AFG3L2: variants seen among roughly 807,000 people sequenced by gnomAD.
AFG3L2 encodes the protein AFG3 like matrix AAA peptidase subunit 2.
A neutral mutation model predicts 94.5 loss-of-function variants in AFG3L2; 54 were observed. The observed-to-expected ratio is 0.57, with a 90% CI of 0.46 to 0.72. The LOEUF (loss-of-function observed/expected upper bound fraction) is 0.72. AFG3L2 is among the 30% of genes least tolerant of loss of function. The pLI, the probability that AFG3L2 is intolerant of heterozygous loss-of-function variation, is 0.00. For missense variants in AFG3L2, 754 were observed against 994.9 expected (o/e 0.76, Z 3.26); for synonymous variants, 377 against 365.5 (o/e 1.03, Z -0.36).
chr18:12,355,356 C>T (rs1173091714), intron 9 of AFG3L2, among the ~76,000 whole-genome samples: 2 of 152,178 alleles, frequency 1.3e-5, no homozygotes, highest in South Asian at 2.1e-4. Flanking sequence ...CAACATCACT[C>T]CTCATCATGG....
At chr18:12,332,068 T>A (rs1423520060) in intron 16 of AFG3L2, among the ~76,000 whole-genome samples, 1 of 151,600 alleles carries the variant, frequency 6.6e-6, no homozygotes, top group African/African-American at 2.4e-5. Context: ...TTAGATCATA[T>A]ACCTAGTGTA....
At chr18:12,375,077 G>C (rs1452688959) in intron 1 of AFG3L2, among the ~76,000 whole-genome samples, 1 of 149,082 alleles carries the variant, frequency 6.7e-6, no homozygotes, top group Non-Finnish European at 1.5e-5. Flanking sequence ...AAAAAGAAAA[G>C]AAAAGAAAAG....
At position 12,360,163 on chromosome 18, in the gene AFG3L2, T is replaced by C. The variant is rs372692777; in HGVS notation, c.628-112A>G. ...TCCAGAAATACTGAAAATTTATAAA[T>C]TAAAGAATAAACAATAATAAAAGAC... On this transcript the variant is annotated intron_variant, in intron 6 of 16. Transcript: ENST00000269143. 29 of 1,016,374 alleles carry C rather than the reference T, an allele frequency of 2.9e-5. No homozygotes were observed. The South Asian group carries it at 4.1e-4, about 14-fold the overall frequency. 63.0% of individuals were successfully genotyped at this position (1,016,374 alleles called of 1,614,324 possible).
In AFG3L2 at chr18:12,371,630, A is replaced by G; in HGVS notation, c.176T>C (p.Ile59Thr). Residue 59 changes from isoleucine to threonine, a missense_variant, in exon 2 of 17, where the codon ATT becomes ACT. Ile to Thr is a moderately conservative substitution (Grantham distance 89). Transcript: ENST00000269143. ...AGAACAGAATCTTTGATAAGCAGCA[A>G]TTATATCTGTCAAAAGAGAATTTCT... ...ASRNSLLTDI[I>T]AAYQRFCSRP... 6.2e-7 allele frequency: 1 copy of G among 1,614,146 alleles called. No homozygotes were observed. Among genetic ancestry groups the G allele is most frequent in the East Asian group, 2.2e-5 (1 of 44,874 alleles).
At chr18:12,361,206 C>G (rs1282998247) in intron 6 of AFG3L2, among the ~76,000 whole-genome samples, 1 of 152,162 alleles carries the variant, frequency 6.6e-6, no homozygotes, top group African/African-American at 2.4e-5. Context: ...ACTGTCTCTA[C>G]TAAAACTACA....
chr18:12,353,084 TC>T lies in AFG3L2; in HGVS notation c.1238del (p.Gly413GlufsTer68). ...ILFIDEIDAV[G>X]RKRGRGNFGG... ...CAAAGTTGCCTCTTCCTCTCTTCCT[TC>T]CCACCGCATCGATTTCATCGATGAA... On this transcript the variant is annotated frameshift_variant, in exon 10 of 17. Transcript: ENST00000269143. LOFTEE classifies it high-confidence loss of function. The T allele has an allele frequency of 6.2e-7, 1 of 1,614,122 alleles. No individual in the cohort carries two copies. Among genetic ancestry groups the T allele is most frequent in the Non-Finnish European group, 8.5e-7 (1 of 1,180,024 alleles).
At chr18:12,350,093 C>T (rs1048169684) in intron 12 of AFG3L2, among the ~76,000 whole-genome samples, 4 of 152,070 alleles carry the variant, frequency 2.6e-5, no homozygotes, top group African/African-American at 9.7e-5. Flanking sequence ...CTCACTGCAA[C>T]CTCACCTCCT....
chr18:12,358,523 C>G, intron 8 of AFG3L2, 147 bp downstream of exon 8: 1 of 1,049,222 alleles, frequency 9.5e-7, no homozygotes, highest in Non-Finnish European at 1.4e-6. Flanking sequence ...CAAAACGATC[C>G]TCGAGTTGGG....
At position 12,363,815 on chromosome 18, in the gene AFG3L2, C is replaced by T. The variant is rs1401268158; in HGVS notation, c.594G>A (p.Val198=). 2.5e-6 allele frequency: 4 copies of T among 1,613,366 alleles called. No individual in the cohort carries two copies. Among genetic ancestry groups the T allele is most frequent in the Middle Eastern group, 1.8e-4 (1 of 5,666 alleles). ...LEVVNKRFVR[V]TFTPGKTPVD... is the part of the protein sequence containing the mutation. ...CAGGAGTTTTTCCTGGTGTAAAGGT[C>T]ACTCGAACAAAACGCTTGTTGACGA... The change falls in exon 6 of 17, where the codon GTG becomes GTA. Residue 198 remains valine (V), a synonymous_variant. Coordinates refer to ENST00000269143, the MANE Select transcript of AFG3L2 (RefSeq NM_006796.3).
intron 9 of AFG3L2, among the ~76,000 whole-genome samples, chr18:12,353,879 C>A (rs1034453214): frequency 6.6e-6 from 1 of 152,180 alleles, no homozygotes; most frequent in African/African-American, 2.4e-5. Flanking sequence ...TATTAACAAG[C>A]TGAGGCTACT....
At chr18:12,337,723 A>G (rs567838269) in intron 15 of AFG3L2, among the ~76,000 whole-genome samples, 188 bp from the exon 16 acceptor site, 1 of 152,342 alleles carries the variant, frequency 6.6e-6, no homozygotes, top group Admixed American at 6.5e-5. Flanking sequence ...CATAACACCT[A>G]CAACAAAGTT....
chr18:12,336,609 G>C (rs1020712198), intron 16 of AFG3L2, among the ~76,000 whole-genome samples: 1 of 152,200 alleles, frequency 6.6e-6, no homozygotes, highest in Non-Finnish European at 1.5e-5. Flanking sequence ...CCCCTGTCTT[G>C]AGAAACTGGC....
rs555326959 is a variant in AFG3L2, at chr18:12,352,874, G to C, written c.1318+131C>G. 238 of 1,300,602 alleles carry C rather than the reference G, an allele frequency of 1.8e-4. No individual in the cohort carries two copies. In the Middle Eastern group the frequency reaches 3.4e-3, roughly 19 times the overall value. The allele number at this position is 1,300,602 out of a possible 1,614,324, so 80.6% of individuals were successfully genotyped here. A position where few individuals can be genotyped will look rare whatever the true frequency, so the allele number is the denominator to read the frequency against. On this transcript the variant is annotated intron_variant, in intron 10 of 16. Coordinates refer to ENST00000269143, the MANE Select transcript of AFG3L2 (RefSeq NM_006796.3). ...GGAGACTGAGGCAGGAGGATCGCTTGAACCCAGGGGTCAGAGGATGCAGTG... is the reference window on the plus strand; with the variant it reads ...GGAGACTGAGGCAGGAGGATCGCTTCAACCCAGGGGTCAGAGGATGCAGTG...
At chr18:12,374,410 C>A (rs909464078) in intron 1 of AFG3L2, among the ~76,000 whole-genome samples, 7 of 152,178 alleles carry the variant, frequency 4.6e-5, no homozygotes, top group African/African-American at 1.7e-4. Flanking sequence ...CTCTTCCTCA[C>A]CGTGAAAGCA....
intron 16 of AFG3L2, among the ~76,000 whole-genome samples, chr18:12,330,065 T>G (rs1438330744): frequency 6.6e-6 from 1 of 152,232 alleles, no homozygotes; most frequent in East Asian, 1.9e-4. Context: ...CCGGGCGCGG[T>G]AGCTCGCGCC....
At chr18:12,374,430 T>C (rs1004606745) in intron 1 of AFG3L2, among the ~76,000 whole-genome samples, 1 of 152,152 alleles carries the variant, frequency 6.6e-6, no homozygotes, top group African/African-American at 2.4e-5. Flanking sequence ...AGTACTTCTG[T>C]CTCTGATCTT....
chr18:12,335,925 C>A (rs1371970293), intron 16 of AFG3L2, among the ~76,000 whole-genome samples: 4 of 152,230 alleles, frequency 2.6e-5, no homozygotes, highest in Non-Finnish European at 2.9e-5. Context: ...TTATAGTCGG[C>A]TTCTTGAAGA....
intron 14 of AFG3L2, 107 bp from the exon 15 acceptor site, chr18:12,340,508 C>G (rs577165357): frequency 2.2e-6 from 2 of 893,400 alleles, no homozygotes; most frequent in Admixed American, 3.5e-5. Flanking sequence ...GCACAACAGC[C>G]GCACAGTTCA....
chr18:12,374,193 C>T (rs553536156), intron 1 of AFG3L2, among the ~76,000 whole-genome samples: 72 of 152,234 alleles, frequency 4.7e-4, no homozygotes, highest in Non-Finnish European at 6.6e-4. Flanking sequence ...AACTTCTTCT[C>T]CTCTGCATAT....
Sources: gnomAD v4.1 joint callset for allele counts (sites outside exome capture counted in the v4.1 genomes callset) on GRCh38, gnomAD v4.1.1 for gene constraint, MANE v1.5 for transcripts, NCBI Gene and HGNC (gene_info 2026-07-23, HGNC 2026-07-21) for gene names.